The following JUP variants were observed in gnomAD, a reference collection of about 807,000 sequenced individuals.
JUP encodes the protein junction plakoglobin, also known as catenin (cadherin-associated protein), gamma 80kDa.
Under a neutral mutation model 71.1 loss-of-function variants are expected in JUP, and 28 were observed. The observed-to-expected ratio is 0.39, with a 90% CI of 0.29 to 0.54. The LOEUF (loss-of-function observed/expected upper bound fraction) is 0.54, where lower values mean the gene tolerates loss of function less well. Ranked by LOEUF, JUP falls within the 20% of genes least tolerant of loss-of-function variation. The pLI is 0.62. For missense variants in JUP, 869 were observed against 1,030.1 expected (o/e 0.84, Z 2.14); for synonymous variants, 401 against 438.9 (o/e 0.91, Z 1.08).
Position 41,755,519 on chromosome 17 carries a change from A to G in JUP, c.*225T>C, listed in dbSNP as rs4627408. On this transcript the variant is annotated 3_prime_UTR_variant, in exon 14 of 14. Coordinates refer to ENST00000393931, the MANE Select transcript of JUP (RefSeq NM_002230.4). ...TCAAGCCACTCCGTGTCACCTGCCC[A>G]CCACCCCCAGAAGGGGCCAGCAGGA... 0.7 allele frequency: 313,772 copies of G among 450,256 alleles called. 112,026 individuals carry two copies. The highest frequency in any genetic ancestry group is 0.74 in the Non-Finnish European group (192,414 of 258,684). 27.9% of individuals were successfully genotyped at this position (450,256 alleles called of 1,614,324 possible).
chr17:41,756,618 G>C (rs1472800509), intron 12 of JUP, among the ~76,000 whole-genome samples: 7 of 148,864 alleles, frequency 4.7e-5, no homozygotes, highest in African/African-American at 1.5e-4. Context: ...TAAAAAATAG[G>C]CTGGGCGCAG....
intron 1 of JUP, among the ~76,000 whole-genome samples, chr17:41,777,936 C>A (rs187662319): frequency 6.6e-6 from 1 of 152,328 alleles, no homozygotes; most frequent in Non-Finnish European, 1.5e-5. Context: ...CCCAAACTGG[C>A]AGATGACCCC....
chr17:41,773,535 G>C (rs1916982579), intron 1 of JUP, among the ~76,000 whole-genome samples: 1 of 152,204 alleles, frequency 6.6e-6, no homozygotes, highest in African/African-American at 2.4e-5. Flanking sequence ...CGGGCCGCCA[G>C]ATGTGCACAG....
In JUP at chr17:41,760,945, G is replaced by A. The variant is rs112143525; in HGVS notation, c.1497+2038C>T. ...TGTGCCCGTTGACAAGACCCTCATC[G>A]ATGGTAGCTTCCTCACTCTCTGGCA... On this transcript the variant is annotated intron_variant, in intron 8 of 13. Transcript: ENST00000393931. Among the ~76,000 whole-genome samples, 1,183 of 152,256 alleles carry A rather than the reference G, an allele frequency of 7.8e-3. 24 individuals carry two copies. The highest frequency in any genetic ancestry group is 0.027 in the African/African-American group (1,121 of 41,548).
intron 8 of JUP, 124 bp from the exon 9 acceptor site, chr17:41,758,994 C>A (rs576949499): frequency 9.1e-6 from 9 of 986,040 alleles, no homozygotes; most frequent in South Asian, 1.7e-5. Flanking sequence ...CACAGACATA[C>A]TGGAAAATAT....
intron 1 of JUP, among the ~76,000 whole-genome samples, chr17:41,779,035 A>G (rs62065901): frequency 0.14 from 20,628 of 151,362 alleles, 1,561 homozygotes; most frequent in African/African-American, 0.21. Flanking sequence ...TGGAGTTTGA[A>G]ACCAGCCTGG....
intron 1 of JUP, among the ~76,000 whole-genome samples, chr17:41,785,317 T>C (rs2047399182): frequency 6.6e-6 from 1 of 150,528 alleles, no homozygotes; most frequent in Non-Finnish European, 1.5e-5. Flanking sequence ...GGCCCAGCCC[T>C]GCCCCACCCC....
intron 2 of JUP, 110 bp downstream of exon 2, chr17:41,771,537 C>T (rs1223467924): frequency 1.1e-5 from 11 of 994,844 alleles, no homozygotes; most frequent in Non-Finnish European, 1.7e-5. Flanking sequence ...TGAGCTGTGC[C>T]TCCTCCCTCA....
At chr17:41,779,608 G>A (rs112007136) in intron 1 of JUP, among the ~76,000 whole-genome samples, 4,367 of 152,098 alleles carry the variant, frequency 0.029, 83 homozygotes, top group African/African-American at 0.051. Flanking sequence ...GATTACAGGC[G>A]TGAGCCACCG....
chr17:41,775,880 G>T, intron 1 of JUP: 1 of 700,340 alleles, frequency 1.4e-6, no homozygotes, highest in Non-Finnish European at 1.8e-6. Context: ...CCTCCTCTGC[G>T]CAGCCAACCC....
At chr17:41,777,465 T>C (rs2046941510) in intron 1 of JUP, among the ~76,000 whole-genome samples, 1 of 152,196 alleles carries the variant, frequency 6.6e-6, no homozygotes. Flanking sequence ...AGGGCCTGTT[T>C]CCCTCTCAGG....
intron 4 of JUP, 28 bp downstream of exon 4, chr17:41,768,941 G>C: frequency 6.5e-7 from 1 of 1,535,094 alleles, no homozygotes; most frequent in Non-Finnish European, 8.9e-7. Context: ...GGGGGTCCTG[G>C]GCTCATGCAG....
chr17:41,780,549 G>C (rs181053725), intron 1 of JUP, among the ~76,000 whole-genome samples: 12 of 152,016 alleles, frequency 7.9e-5, no homozygotes, highest in Non-Finnish European at 4.4e-5. Flanking sequence ...ACAAAAATTA[G>C]CTGGGCATGG....
Position 41,779,925 on chromosome 17 carries a change from C to T in JUP, c.-9+6663G>A, listed in dbSNP as rs568015026. Among the ~76,000 whole-genome samples, 149 of 152,080 alleles carry T rather than the reference C, an allele frequency of 9.8e-4. 1 individual carries two copies. The highest frequency in any genetic ancestry group is 3.4e-3 in the Middle Eastern group (1 of 294). The stretch of plus-strand genomic sequence containing the variant: ...TCCCGGCCTCAAGCAATCCTCCTGC[C>T]TCAACCTTCAGAGCGGTTGGGATTA... On this transcript the variant is annotated intron_variant, in intron 1 of 13. Transcript: ENST00000393931.
chr17:41,764,018 C>G (rs1429562491), intron 7 of JUP, among the ~76,000 whole-genome samples: 1 of 152,202 alleles, frequency 6.6e-6, no homozygotes, highest in African/African-American at 2.4e-5. Flanking sequence ...GTCCCACACT[C>G]TAACCCCAGG....
At chr17:41,782,646 G>A (rs1206066137) in intron 1 of JUP, among the ~76,000 whole-genome samples, 4 of 152,022 alleles carry the variant, frequency 2.6e-5, no homozygotes, top group African/African-American at 7.2e-5. Flanking sequence ...CGCTTCCACC[G>A]GAAACTAAAA....
intron 1 of JUP, among the ~76,000 whole-genome samples, chr17:41,783,146 G>A (rs570080765): frequency 2.0e-5 from 3 of 151,992 alleles, no homozygotes; most frequent in Admixed American, 2.0e-4. Flanking sequence ...AATACAGCAG[G>A]ATGGGTTCTG....
chr17:41,778,640 G>A (rs9895477), intron 1 of JUP, among the ~76,000 whole-genome samples: 20,738 of 152,016 alleles, frequency 0.14, 1,589 homozygotes, highest in African/African-American at 0.21. Flanking sequence ...TGCCGAGCAC[G>A]GTGGCTCATG....
At chr17:41,782,447 C>G (rs186582840) in intron 1 of JUP, among the ~76,000 whole-genome samples, 1 of 152,316 alleles carries the variant, frequency 6.6e-6, no homozygotes, top group East Asian at 1.9e-4. Context: ...GGGCAGCACC[C>G]CTTTATCTTG....
Sources: gnomAD v4.1 joint callset for allele counts (sites outside exome capture counted in the v4.1 genomes callset) on GRCh38, gnomAD v4.1.1 for gene constraint, MANE v1.5 for transcripts, NCBI Gene and HGNC (gene_info 2026-07-23, HGNC 2026-07-21) for gene names.